The following TIMP3 variants were observed in gnomAD, a reference collection of about 807,000 sequenced individuals.
TIMP3 encodes TIMP metallopeptidase inhibitor 3.
TIMP3 carries 11 observed loss-of-function variants against 30.0 expected under a neutral mutation model. The ratio of observed to expected loss-of-function variants is 0.37; its 90% confidence interval spans 0.23 to 0.61. The LOEUF (loss-of-function observed/expected upper bound fraction) is 0.61. TIMP3 is among the 20% of genes least tolerant of loss of function. TIMP3 has a pLI of 0.70. For missense variants in TIMP3, 181 were observed against 276.8 expected, an observed-to-expected ratio of 0.65 and a Z score of 2.45; for synonymous variants, 112 against 111.3, an observed-to-expected ratio of 1.01 and a Z score of -0.04.
intron 1 of TIMP3, among the ~76,000 whole-genome samples, chr22:32,828,069 C>T (rs187988701): frequency 2.0e-5 from 3 of 152,314 alleles, no homozygotes; most frequent in African/African-American, 7.2e-5. Context: ...TACTTAGGCA[C>T]CAGGAGAGTA....
chr22:32,855,377 A>G (rs2048336027), intron 2 of TIMP3, among the ~76,000 whole-genome samples: 1 of 152,204 alleles, frequency 6.6e-6, no homozygotes, highest in Admixed American at 6.5e-5. Flanking sequence ...AAATGGAAAT[A>G]GCATTTGCCT....
chr22:32,828,924 A>G (rs996893417), intron 1 of TIMP3, among the ~76,000 whole-genome samples: 1 of 152,124 alleles, frequency 6.6e-6, no homozygotes, highest in African/African-American at 2.4e-5. Context: ...GGGCCCCACA[A>G]TGAGGAGGGG....
At chr22:32,806,794 ATCTATCTC>A (rs949145864) in intron 1 of TIMP3, among the ~76,000 whole-genome samples, 5 of 152,022 alleles carry the variant, frequency 3.3e-5, no homozygotes, top group East Asian at 1.9e-4. Flanking sequence ...TCATCTATCT[ATCTATCTC>A]TCTATCTAAA....
chr22:32,818,245 G>A (rs1465887236), intron 1 of TIMP3, among the ~76,000 whole-genome samples: 2 of 152,224 alleles, frequency 1.3e-5, no homozygotes, highest in African/African-American at 4.8e-5. Context: ...AGGATTTGAC[G>A]TGGGATGCCA....
intron 1 of TIMP3, among the ~76,000 whole-genome samples, chr22:32,843,145 A>T (rs1207970121): frequency 6.6e-6 from 1 of 152,038 alleles, no homozygotes; most frequent in Non-Finnish European, 1.5e-5. Flanking sequence ...CATTGTCCAC[A>T]GTTGGAAAGT....
chr22:32,810,118 C>T (rs1357535078), intron 1 of TIMP3, among the ~76,000 whole-genome samples: 1 of 152,202 alleles, frequency 6.6e-6, no homozygotes, highest in South Asian at 2.1e-4. Context: ...AAGGGACTTA[C>T]TAAATACTGT....
chr22:32,855,131 G>A (rs1027714894), intron 2 of TIMP3, among the ~76,000 whole-genome samples: 1 of 152,222 alleles, frequency 6.6e-6, no homozygotes, highest in East Asian at 1.9e-4. Flanking sequence ...ACCACCAGCA[G>A]TCCAGGGCTT....
intron 1 of TIMP3, among the ~76,000 whole-genome samples, chr22:32,820,328 C>G (rs1416104506): frequency 6.7e-6 from 1 of 149,076 alleles, no homozygotes; most frequent in Non-Finnish European, 1.5e-5. Flanking sequence ...GTGTGTCATC[C>G]TCTGCTCATC....
In TIMP3 at chr22:32,801,844, G is replaced by T; in HGVS notation, c.-158G>T. On this transcript the variant is annotated 5_prime_UTR_variant, in exon 1 of 5. Transcript: ENST00000266085. This position sits in a 1 kb window ranked among gnomAD's most constrained non-coding sequence, Gnocchi z 4.7. ...AGGCAGCCTCGCTGCGCCCCATCCCGTCCCGCCGGGCACTCGGAGGGCAGC... is the reference window on the plus strand; with the variant it reads ...AGGCAGCCTCGCTGCGCCCCATCCCTTCCCGCCGGGCACTCGGAGGGCAGC... 1.1e-6 allele frequency: 1 copy of T among 946,814 alleles called. No homozygotes were observed. Among genetic ancestry groups the T allele is most frequent in the East Asian group, 4.2e-5 (1 of 23,690 alleles). The allele number at this position is 946,814 out of a possible 1,614,324, so 58.7% of individuals were successfully genotyped here.
At chr22:32,838,042 T>C (rs1312466794) in intron 1 of TIMP3, among the ~76,000 whole-genome samples, 1 of 152,230 alleles carries the variant, frequency 6.6e-6, no homozygotes, top group Non-Finnish European at 1.5e-5. Context: ...TGGGTGTGTC[T>C]GCTGCATGCT....
intron 1 of TIMP3, among the ~76,000 whole-genome samples, chr22:32,813,602 G>C (rs1248474963): frequency 1.3e-5 from 2 of 151,264 alleles, no homozygotes; most frequent in Non-Finnish European, 2.9e-5. Context: ...TTGTGATCTG[G>C]AATCCATTTT....
At chr22:32,820,230 C>G (rs925262493) in intron 1 of TIMP3, among the ~76,000 whole-genome samples, 2 of 151,066 alleles carry the variant, frequency 1.3e-5, no homozygotes, top group African/African-American at 4.9e-5. Flanking sequence ...CTTAGCATTC[C>G]TCCTTTCTCC....
chr22:32,834,878 C>T (rs1038409049), intron 1 of TIMP3, among the ~76,000 whole-genome samples: 1 of 152,150 alleles, frequency 6.6e-6, no homozygotes, highest in Non-Finnish European at 1.5e-5. Flanking sequence ...CCTAAAGAAT[C>T]CTCCATTCAA....
chr22:32,814,980 T>C (rs2047049078), intron 1 of TIMP3, among the ~76,000 whole-genome samples: 1 of 152,246 alleles, frequency 6.6e-6, no homozygotes, highest in South Asian at 2.1e-4. Flanking sequence ...TTTACACTTA[T>C]TAATAAGATC....
intron 1 of TIMP3, among the ~76,000 whole-genome samples, chr22:32,835,898 T>G (rs2083076043): frequency 6.6e-6 from 1 of 152,174 alleles, no homozygotes; most frequent in Non-Finnish European, 1.5e-5. Context: ...TTATGGAGAG[T>G]TAACTCCACC....
chr22:32,853,266 G>A (rs2048273246), intron 2 of TIMP3, among the ~76,000 whole-genome samples: 1 of 152,160 alleles, frequency 6.6e-6, no homozygotes, highest in Admixed American at 6.5e-5. Context: ...TTCTCTGCCT[G>A]TCCTGCTAGA....
intron 1 of TIMP3, among the ~76,000 whole-genome samples, chr22:32,820,850 G>A (rs1434247530): frequency 1.3e-5 from 2 of 152,190 alleles, no homozygotes; most frequent in Non-Finnish European, 2.9e-5. Context: ...TAGATTAGAA[G>A]TGATGTATGA....
chr22:32,857,823 C>T (rs764644501), intron 3 of TIMP3, among the ~76,000 whole-genome samples, 194 bp from the exon 4 acceptor site: 2 of 152,176 alleles, frequency 1.3e-5, no homozygotes, highest in Non-Finnish European at 2.9e-5. Flanking sequence ...CTCTCCAAGC[C>T]TCATTATCCT....
rs1369589888 is a variant in TIMP3 at position 32,859,665 on chromosome 22, T to C, written c.*288T>C. On this transcript the variant is annotated 3_prime_UTR_variant, in exon 5 of 5. Transcript: ENST00000266085. ...CCTGTATTCCTCTTCTTCGTGATAA[T>C]ATAATCTCTATTTTTTTAGGAAAAC... 1 of 429,652 alleles carries C rather than the reference T, an allele frequency of 2.3e-6. No individual in the cohort carries two copies. Among genetic ancestry groups the C allele is most frequent in the Non-Finnish European group, 4.1e-6 (1 of 241,684 alleles). The allele number at this position is 429,652 out of a possible 1,614,324, so 26.6% of individuals were successfully genotyped here.
Sources: gnomAD v4.1 joint callset for allele counts (sites outside exome capture counted in the v4.1 genomes callset) on GRCh38, gnomAD v4.1.1 for gene constraint, Gnocchi (gnomAD v3.1) non-coding constraint, MANE v1.5 for transcripts, NCBI Gene and HGNC (gene_info 2026-07-23, HGNC 2026-07-21) for gene names.